DOCK7: variants seen among roughly 807,000 people sequenced by gnomAD.
DOCK7 encodes the protein dedicator of cytokinesis 7, also known as dedicator of cytokinesis protein 7.
DOCK7 carries 138 observed loss-of-function variants against 271.0 expected under a neutral mutation model. The observed-to-expected ratio is 0.51, with a 90% confidence interval of 0.44 to 0.59. The LOEUF (loss-of-function observed/expected upper bound fraction) is 0.59. DOCK7 is among the 20% of genes least tolerant of loss of function. DOCK7 has a pLI of 0.00. For synonymous variants in DOCK7, 823 were observed against 876.1 expected, an observed-to-expected ratio of 0.94 and a Z score of 1.07; for missense variants, 2,066 against 2,592.4, an observed-to-expected ratio of 0.80 and a Z score of 4.41.
At chr1:62,490,806 A>T (rs558493787) in intron 41 of DOCK7, among the ~76,000 whole-genome samples, 283 of 152,274 alleles carry the variant, frequency 1.9e-3, no homozygotes, top group African/African-American at 6.5e-3. Context: ...AAACAAAAAA[A>T]TTTTTCCCCC....
rs1368612763 is a variant in DOCK7, at chr1:62,474,009, C to T, written c.6185G>A (p.Arg2062Gln). The T allele has an allele frequency of 1.9e-6, 3 of 1,613,838 alleles. No homozygotes were observed. Among genetic ancestry groups the T allele is most frequent in the Non-Finnish European group, 1.7e-6 (2 of 1,179,900 alleles). ...PKLFRHHNKL[R>Q]LCFKDFTKRC... ...TTTAGTAAAATCTTTAAAGCAGAGT[C>T]GCAGTTTATTATGATGTCTGAAGAG... The change falls in exon 48 of 50, where the codon CGA becomes CAA. Residue 2062 changes from arginine (R) to glutamine (Q), a missense_variant. Physicochemically the swap from Arg to Gln is conservative, Grantham distance 43. This residue lies in a region of DOCK7 where 652 missense variants were observed against 922.1 expected (regional missense o/e 0.71). Transcript: ENST00000635253.
chr1:62,623,013 AC>A (rs538948142), intron 12 of DOCK7, among the ~76,000 whole-genome samples: 1 of 151,720 alleles, frequency 6.6e-6, no homozygotes. Flanking sequence ...GGCTCAAGCG[AC>A]CCCCCAGCCT....
At chr1:62,645,162 C>T (rs1656495409) in intron 7 of DOCK7, among the ~76,000 whole-genome samples, 1 of 152,114 alleles carries the variant, frequency 6.6e-6, no homozygotes, top group Admixed American at 6.5e-5. Context: ...AAAAGTTAAA[C>T]ATGGAGTTAC....
intron 34 of DOCK7, among the ~76,000 whole-genome samples, chr1:62,510,267 T>C (rs1252627087): frequency 1.3e-5 from 2 of 152,184 alleles, no homozygotes; most frequent in Non-Finnish European, 2.9e-5. Context: ...TTTGTAATAT[T>C]TGAAATATTA....
At chr1:62,688,096 C>G (rs1572030246) in intron 1 of DOCK7, 131 bp downstream of exon 1, 2 of 1,131,370 alleles carry the variant, frequency 1.8e-6, no homozygotes, top group Non-Finnish European at 2.2e-6. Context: ...CCTTCCGCCC[C>G]GCCGCGAGCC....
At chr1:62,648,027 T>G in intron 6 of DOCK7, 79 bp downstream of exon 6, 1 of 1,350,300 alleles carries the variant, frequency 7.4e-7, no homozygotes, top group Admixed American at 1.9e-5. Context: ...CTCTACATTT[T>G]GTAATACTAT....
At chr1:62,624,896 T>TGGGAGGCGGAGGTTGCA in intron 12 of DOCK7, among the ~76,000 whole-genome samples, 1 of 151,678 alleles carries the variant, frequency 6.6e-6, no homozygotes, top group South Asian at 2.1e-4. Flanking sequence ...TGCTTGAACC[T>TGGGAGGCGGAGGTTGCA]GGGAGGCGGA....
intron 31 of DOCK7, among the ~76,000 whole-genome samples, chr1:62,521,848 C>T (rs931310596): frequency 6.6e-5 from 10 of 152,044 alleles, no homozygotes; most frequent in Admixed American, 6.6e-4. Flanking sequence ...CAGTGGCAGG[C>T]ACCTGTAATT....
At chr1:62,460,279 G>A (rs1008405537) in intron 48 of DOCK7, among the ~76,000 whole-genome samples, 4 of 151,902 alleles carry the variant, frequency 2.6e-5, no homozygotes, top group African/African-American at 9.7e-5. Flanking sequence ...ACAAAACACA[G>A]TTGGCCCTCC....
intron 14 of DOCK7, among the ~76,000 whole-genome samples, chr1:62,606,908 A>C (rs1651078376): frequency 6.6e-6 from 1 of 152,044 alleles, no homozygotes; most frequent in Admixed American, 6.6e-5. Context: ...ACTCAAATTC[A>C]ACATACCAAA....
At chr1:62,604,607 T>C (rs1468726054) in intron 14 of DOCK7, 1 of 1,608,206 alleles carries the variant, frequency 6.2e-7, no homozygotes, top group Non-Finnish European at 8.5e-7. Context: ...TCTGTACCCA[T>C]TAAATTGCAT....
intron 2 of DOCK7, among the ~76,000 whole-genome samples, chr1:62,657,939 A>G (rs1658219011): frequency 1.3e-5 from 2 of 152,136 alleles, no homozygotes; most frequent in African/African-American, 4.8e-5. Flanking sequence ...ACACTAAAAT[A>G]TCCAATACTG....
chr1:62,680,637 C>T (rs1661016414), intron 1 of DOCK7, among the ~76,000 whole-genome samples: 1 of 152,106 alleles, frequency 6.6e-6, no homozygotes, highest in Admixed American at 6.5e-5. Context: ...GCAATCTACT[C>T]ATCTGACAAA....
chr1:62,635,120 G>A (rs1233922496), intron 8 of DOCK7, 198 bp from the exon 9 acceptor site: 1 of 372,442 alleles, frequency 2.7e-6, no homozygotes, highest in African/African-American at 2.1e-5. Context: ...AAACATTCAT[G>A]TTAAATAATT....
Position 62,547,109 on chromosome 1 carries a change from C to T in DOCK7, c.2767-2070G>A, listed in dbSNP as rs183349164. Among the ~76,000 whole-genome samples, 49 of 152,088 alleles carry T rather than the reference C, an allele frequency of 3.2e-4. No homozygotes were observed. In the East Asian group the frequency reaches 6.8e-3, roughly 21 times the overall value. ...CTTTAAAACTACAATATATGATAAT[C>T]GCTAATATGAGAATAAAAAAATCTC... On this transcript the variant is annotated intron_variant, in intron 22 of 49. Transcript: ENST00000635253.
chr1:62,610,363 C>A (rs1289211315), intron 14 of DOCK7, among the ~76,000 whole-genome samples: 2 of 152,046 alleles, frequency 1.3e-5, no homozygotes, highest in Non-Finnish European at 2.9e-5. Flanking sequence ...CAGTAACGTT[C>A]AGCTGAAATT....
intron 16 of DOCK7, among the ~76,000 whole-genome samples, chr1:62,581,641 T>C (rs889418681): frequency 5.9e-5 from 9 of 151,974 alleles, no homozygotes; most frequent in Non-Finnish European, 1.2e-4. Flanking sequence ...CTCTGAGAGA[T>C]ACATGTACGA....
At chr1:62,631,904 GAAAGTAAAAAGT>G (rs1164493438) in intron 10 of DOCK7, among the ~76,000 whole-genome samples, 6 of 152,148 alleles carry the variant, frequency 3.9e-5, no homozygotes, top group African/African-American at 1.4e-4. Flanking sequence ...ACAAAAGAAG[GAAAGTAAAAAGT>G]AAAAAGGAAA....
intron 14 of DOCK7, among the ~76,000 whole-genome samples, chr1:62,610,044 T>C (rs1459097349): frequency 6.6e-6 from 1 of 151,876 alleles, no homozygotes; most frequent in Admixed American, 6.6e-5. Flanking sequence ...AGAGACGGAG[T>C]TTCATCATGT....
Sources: allele counts gnomAD v4.1 joint callset (sites outside exome capture counted in the v4.1 genomes callset), GRCh38; gene constraint gnomAD v4.1.1; regional missense constraint gnomAD v4.1.1; transcripts MANE v1.5; gene names NCBI Gene and HGNC (gene_info 2026-07-23, HGNC 2026-07-21).